The following L3MBTL4 variants were observed in gnomAD, a reference collection of about 807,000 sequenced individuals.
The protein encoded by L3MBTL4 is L3MBTL histone methyl-lysine binding protein 4.
L3MBTL4 carries 70 observed loss-of-function variants against 84.5 expected under a neutral mutation model. The ratio of observed to expected loss-of-function variants is 0.83; its 90% CI spans 0.68 to 1.01. L3MBTL4 has a LOEUF of 1.01. L3MBTL4 is among the 50% of genes least tolerant of loss of function. The pLI is 0.00. For synonymous variants in L3MBTL4, 274 were observed against 259.8 expected (o/e 1.05, Z -0.52); for missense variants, 715 against 754.8 (o/e 0.95, Z 0.62).
intron 3 of L3MBTL4, among the ~76,000 whole-genome samples, chr18:6,310,415 T>G (rs1037752415): frequency 6.6e-6 from 1 of 152,220 alleles, no homozygotes; most frequent in African/African-American, 2.4e-5. Context: ...CCTGAAGGAA[T>G]GGCTCTAGAG....
chr18:6,326,911 A>C (rs1599651302), intron 1 of L3MBTL4, among the ~76,000 whole-genome samples: 1 of 152,276 alleles, frequency 6.6e-6, no homozygotes, highest in Middle Eastern at 3.4e-3. Flanking sequence ...CCTTCCAATG[A>C]CCCTGATTTA....
At chr18:6,359,790 T>C (rs1167059003) in intron 1 of L3MBTL4, among the ~76,000 whole-genome samples, 1 of 151,972 alleles carries the variant, frequency 6.6e-6, no homozygotes, top group Non-Finnish European at 1.5e-5. Flanking sequence ...GACTTATGTT[T>C]TCAATGAAAG....
intron 16 of L3MBTL4, among the ~76,000 whole-genome samples, chr18:6,052,581 T>G: frequency 6.6e-6 from 1 of 152,232 alleles, no homozygotes; most frequent in East Asian, 1.9e-4. Flanking sequence ...CTTCAAACAT[T>G]TAAGCAAATG....
At chr18:6,122,801 A>C (rs1192860029) in intron 14 of L3MBTL4, among the ~76,000 whole-genome samples, 1 of 152,236 alleles carries the variant, frequency 6.6e-6, no homozygotes, top group African/African-American at 2.4e-5. Flanking sequence ...AAAATTTAAG[A>C]AAACAGAATC....
chr18:5,959,697 G>C (rs1190940849), intron 18 of L3MBTL4, among the ~76,000 whole-genome samples: 1 of 152,056 alleles, frequency 6.6e-6, no homozygotes, highest in Non-Finnish European at 1.5e-5. Context: ...TCCCGCAAAT[G>C]GCTTCAAGCC....
At chr18:5,966,996 C>T (rs950340134) in intron 17 of L3MBTL4, among the ~76,000 whole-genome samples, 1 of 152,202 alleles carries the variant, frequency 6.6e-6, no homozygotes, top group African/African-American at 2.4e-5. Flanking sequence ...CCTGATGGTT[C>T]CACTTCCTGG....
rs371738350 is a variant in L3MBTL4 at position 6,392,392 on chromosome 18, T to C, written c.-91+22409A>G. 1.1e-3 allele frequency among the ~76,000 whole-genome samples: 165 copies of C among 152,186 alleles called. 1 individual carries two copies. The highest frequency in any genetic ancestry group is 0.01 in the Middle Eastern group (3 of 294). ...GGCAAAGCTCCATCTCTACTAAAAATACAAAAATTAGCTGGGCATGGTGGC... is the reference window on the plus strand; with the variant it reads ...GGCAAAGCTCCATCTCTACTAAAAACACAAAAATTAGCTGGGCATGGTGGC... On this transcript the variant is annotated intron_variant, in intron 1 of 18. Coordinates refer to ENST00000317931, the MANE Select transcript of L3MBTL4 (RefSeq NM_001330559.2).
At chr18:6,230,055 T>G (rs1258699983) in intron 10 of L3MBTL4, among the ~76,000 whole-genome samples, 1 of 152,218 alleles carries the variant, frequency 6.6e-6, no homozygotes, top group African/African-American at 2.4e-5. Context: ...TCTGCTTATA[T>G]CGCTTAGGGT....
At chr18:6,204,275 A>C (rs1013673370) in intron 12 of L3MBTL4, among the ~76,000 whole-genome samples, 1 of 152,170 alleles carries the variant, frequency 6.6e-6, no homozygotes, top group Non-Finnish European at 1.5e-5. Context: ...CACACACAGG[A>C]CTCTAGATGG....
intron 5 of L3MBTL4, among the ~76,000 whole-genome samples, chr18:6,252,395 T>G (rs377338015): frequency 3.3e-5 from 5 of 151,888 alleles, no homozygotes; most frequent in African/African-American, 1.2e-4. Context: ...AAGTGTTAGA[T>G]AAGCATATGG....
chr18:6,381,606 G>A (rs1334635557), intron 1 of L3MBTL4, among the ~76,000 whole-genome samples: 1 of 152,194 alleles, frequency 6.6e-6, no homozygotes, highest in African/African-American at 2.4e-5. Context: ...AGTTAGGCTG[G>A]ATATGAAATT....
intron 1 of L3MBTL4, among the ~76,000 whole-genome samples, chr18:6,352,309 C>A (rs896002682): frequency 6.6e-6 from 1 of 152,196 alleles, no homozygotes; most frequent in Non-Finnish European, 1.5e-5. Context: ...TGAGCTGAAT[C>A]TTTTGGCTGA....
intron 1 of L3MBTL4, among the ~76,000 whole-genome samples, chr18:6,386,390 C>A (rs2054820545): frequency 6.6e-6 from 1 of 152,212 alleles, no homozygotes; most frequent in African/African-American, 2.4e-5. Context: ...CCAGGAGCAA[C>A]ATAGCAAGAT....
intron 1 of L3MBTL4, among the ~76,000 whole-genome samples, chr18:6,320,065 AG>A (rs1163296939): frequency 6.6e-6 from 1 of 152,020 alleles, no homozygotes. Context: ...CAATATAGGT[AG>A]AAAAAATAAA....
At chr18:6,116,691 G>C (rs1222071612) in intron 14 of L3MBTL4, among the ~76,000 whole-genome samples, 1 of 152,090 alleles carries the variant, frequency 6.6e-6, no homozygotes, top group Non-Finnish European at 1.5e-5. Flanking sequence ...GTAGAGAAAA[G>C]TTGTTTGTTT....
chr18:6,167,193 C>T (rs1045003869), intron 13 of L3MBTL4, among the ~76,000 whole-genome samples: 3 of 152,124 alleles, frequency 2.0e-5, no homozygotes, highest in Non-Finnish European at 4.4e-5. Flanking sequence ...TAATAGCTTA[C>T]CAACCAAAAA....
At chr18:6,106,710 A>T (rs1307659532) in intron 14 of L3MBTL4, among the ~76,000 whole-genome samples, 1 of 152,226 alleles carries the variant, frequency 6.6e-6, no homozygotes, top group Admixed American at 6.5e-5. Flanking sequence ...CCACATATAC[A>T]CATACTAAAG....
chr18:6,278,614 A>T (rs797000985), intron 4 of L3MBTL4, among the ~76,000 whole-genome samples: 11 of 152,104 alleles, frequency 7.2e-5, no homozygotes, highest in African/African-American at 2.7e-4. Context: ...AGAAACTTTC[A>T]CCTTTTTCTG....
Position 6,169,613 on chromosome 18 carries a change from G to A in L3MBTL4, c.1096+2215C>T, listed in dbSNP as rs534945586. ...CAAACACCGCATGTTCTCACTCATAGGTGGGAATTGAACAATGAGAACACA... is the reference window on the plus strand; with the variant it reads ...CAAACACCGCATGTTCTCACTCATAAGTGGGAATTGAACAATGAGAACACA... On this transcript the variant is annotated intron_variant, in intron 13 of 18. Coordinates refer to ENST00000317931, the MANE Select transcript of L3MBTL4 (RefSeq NM_001330559.2). Among the ~76,000 whole-genome samples, 23 of 149,302 alleles carry A rather than the reference G, an allele frequency of 1.5e-4. No homozygotes were observed. In the South Asian group the frequency reaches 4.2e-3, roughly 28 times the overall value.
Sources: allele counts gnomAD v4.1 joint callset (sites outside exome capture counted in the v4.1 genomes callset), GRCh38; gene constraint gnomAD v4.1.1; transcripts MANE v1.5; gene names NCBI Gene and HGNC (gene_info 2026-07-23, HGNC 2026-07-21).